Variants in COL28A1 observed in about 807,000 individuals in gnomAD.
COL28A1 encodes collagen alpha-1(XXVIII) chain.
In COL28A1, 161 loss-of-function variants were observed where a neutral mutation model predicts 150.2. The ratio of observed to expected loss-of-function variants is 1.07; its 90% CI spans 0.94 to 1.22. COL28A1 has a LOEUF of 1.22. COL28A1 is among the 50% of genes most tolerant of loss of function. The pLI, the probability that COL28A1 is intolerant of heterozygous loss-of-function variation, is 0.00. For synonymous variants in COL28A1, 552 were observed against 469.7 expected (o/e 1.18, Z -2.26); for missense variants, 1,617 against 1,388.3 (o/e 1.16, Z -2.62).
At chr7:7,508,638 T>C (rs750003114) in intron 9 of COL28A1, among the ~76,000 whole-genome samples, 1 of 152,210 alleles carries the variant, frequency 6.6e-6, no homozygotes, top group Non-Finnish European at 1.5e-5. Context: ...GCTAATTTGA[T>C]AGGTGATATA....
chr7:7,432,534 C>A lies in COL28A1; in HGVS notation c.1937G>T (p.Arg646Leu), dbSNP rs769722152. 2.5e-6 allele frequency: 4 copies of A among 1,613,880 alleles called. No individual in the cohort carries two copies. ...CGGCCCAGGGGGTCCTGGTAATCCA[C>A]GAGGTCCCTGAGATGACACAGTAAG... ...GDGYPGVPGP[R>L]GLPGPPGPMG... The change falls in exon 25 of 35, where the codon CGT (arginine) becomes CTT (leucine). Residue 646 changes from arginine (R) to leucine (L), a missense_variant. Arg to Leu is a moderately radical substitution (Grantham distance 102, BLOSUM62 -2). Transcript: ENST00000399429.
chr7:7,418,038 T>C (rs1784202159), intron 26 of COL28A1, 111 bp from the exon 27 acceptor site: 1 of 784,740 alleles, frequency 1.3e-6, no homozygotes, highest in Admixed American at 2.9e-5. Context: ...GACCAGGACT[T>C]TCATGCTGCC....
chr7:7,439,189 C>T (rs186508606), intron 21 of COL28A1, among the ~76,000 whole-genome samples: 80 of 152,266 alleles, frequency 5.3e-4, no homozygotes, highest in African/African-American at 1.8e-3. Context: ...TGCCCAGGGC[C>T]GTGTTCATCT....
At position 7,373,125 on chromosome 7, in the gene COL28A1, C is replaced by T; in HGVS notation, c.2781G>A (p.Val927=). The change falls in exon 32 of 35, where the codon GTG becomes GTA. Residue 927 remains valine, a synonymous_variant. Coordinates refer to ENST00000399429, the MANE Select transcript of COL28A1 (RefSeq NM_001037763.3). This position sits in a 1 kb window ranked among gnomAD's most constrained non-coding sequence, Gnocchi z 4.1. Reference sequence around the variant, plus strand: ...TCACCACCCCTATCACAAATATCTCCACATTGGTGTCACTGGCATTCTTCA... The same window carrying T: ...TCACCACCCCTATCACAAATATCTCTACATTGGTGTCACTGGCATTCTTCA... ...EVVKNASDTN[V]EIFVIGVVKK... The T allele has an allele frequency of 6.2e-7, 1 of 1,614,182 alleles. No individual in the cohort carries two copies. Among genetic ancestry groups the T allele is most frequent in the South Asian group, 1.1e-5 (1 of 91,082 alleles).
At chr7:7,483,188 G>A (rs770439310) in intron 13 of COL28A1, among the ~76,000 whole-genome samples, 4 of 152,226 alleles carry the variant, frequency 2.6e-5, no homozygotes, top group Middle Eastern at 3.4e-3. Context: ...AATGCATTGC[G>A]TTTGCATCCT....
chr7:7,440,191 C>G (rs535517836), intron 21 of COL28A1, among the ~76,000 whole-genome samples: 68 of 152,274 alleles, frequency 4.5e-4, no homozygotes, highest in Middle Eastern at 3.4e-3. Context: ...GGACATAGAT[C>G]CCCTACTTCC....
At chr7:7,375,094 C>A (rs999356423) in intron 31 of COL28A1, among the ~76,000 whole-genome samples, 2 of 152,180 alleles carry the variant, frequency 1.3e-5, no homozygotes, top group Non-Finnish European at 2.9e-5. Context: ...ACCAGCTAGG[C>A]TGGACTCAAA....
intron 23 of COL28A1, among the ~76,000 whole-genome samples, chr7:7,435,433 G>A (rs1409567137): frequency 7.9e-5 from 12 of 152,092 alleles, no homozygotes; most frequent in African/African-American, 2.2e-4. Context: ...CGAACAATTC[G>A]TCCAAGTTTG....
chr7:7,499,064 G>A (rs185564557), intron 11 of COL28A1, among the ~76,000 whole-genome samples: 1 of 152,198 alleles, frequency 6.6e-6, no homozygotes, highest in African/African-American at 2.4e-5. Context: ...GTTGTCTCAT[G>A]TCAAACGAGT....
chr7:7,426,074 A>G (rs1465767483), intron 25 of COL28A1, among the ~76,000 whole-genome samples: 2 of 152,216 alleles, frequency 1.3e-5, no homozygotes, highest in African/African-American at 4.8e-5. Context: ...TCCAAAAGTG[A>G]TTTCATGCTT....
chr7:7,498,422 G>A (rs899066169), intron 11 of COL28A1, among the ~76,000 whole-genome samples: 29 of 152,132 alleles, frequency 1.9e-4, no homozygotes, highest in African/African-American at 6.0e-4. Flanking sequence ...ATATGACAGC[G>A]TGATAATGTT....
chr7:7,393,930 G>C (rs1468179020), intron 27 of COL28A1, among the ~76,000 whole-genome samples: 1 of 152,004 alleles, frequency 6.6e-6, no homozygotes, highest in Non-Finnish European at 1.5e-5. Flanking sequence ...CTTTCCAGGG[G>C]AGTGAACAGT....
chr7:7,437,558 A>G, intron 21 of COL28A1, 96 bp from the exon 22 acceptor site: 1 of 1,470,336 alleles, frequency 6.8e-7, no homozygotes, highest in Non-Finnish European at 9.0e-7. Context: ...AGATTTTTAA[A>G]TTATGTTATG....
chr7:7,541,522 A>G, the COL28A1 span, among the ~76,000 whole-genome samples: 1 of 152,230 alleles, frequency 6.6e-6, no homozygotes, highest in Non-Finnish European at 1.5e-5. Context: ...AATGCCAAAT[A>G]CTAACACAAT....
rs60871237 is a variant in COL28A1, at chr7:7,532,736, A to ATT, written c.124+14_124+15dup. The ATT allele has an allele frequency of 1.9e-4, 231 of 1,232,816 alleles. No homozygotes were observed. In the African/African-American group the frequency reaches 2.0e-3, roughly 10 times the overall value. The allele number at this position is 1,232,816 out of a possible 1,614,324, so 76.4% of individuals were successfully genotyped here. A position where few individuals can be genotyped will look rare whatever the true frequency, so the allele number is the denominator to read the frequency against. On this transcript the variant is annotated intron_variant, in intron 2 of 34. Coordinates refer to ENST00000399429, the MANE Select transcript of COL28A1 (RefSeq NM_001037763.3). ...AACAGGCTAAACTTAAAAACAAACA[A>ATT]TTTTTTTTTTTTTACCCTGGACATC...
intron 33 of COL28A1, among the ~76,000 whole-genome samples, chr7:7,360,739 G>A (rs1780609513): frequency 6.6e-6 from 1 of 151,986 alleles, no homozygotes; most frequent in Non-Finnish European, 1.5e-5. Flanking sequence ...CCCACCACTT[G>A]GTGTGGGTGT....
intron 24 of COL28A1, 45 bp from the exon 25 acceptor site, chr7:7,432,586 G>C (rs529044767): frequency 6.2e-7 from 1 of 1,609,952 alleles, no homozygotes; most frequent in Non-Finnish European, 8.5e-7. Context: ...CTTGTAGTAT[G>C]CAACACTCAA....
chr7:7,458,970 C>T (rs540561559), intron 15 of COL28A1, among the ~76,000 whole-genome samples: 1 of 152,286 alleles, frequency 6.6e-6, no homozygotes, highest in African/African-American at 2.4e-5. Context: ...ATTTGAGAGG[C>T]CTTATCAGAG....
At chr7:7,541,929 C>T in the COL28A1 span, among the ~76,000 whole-genome samples, 9 of 111,318 alleles carry the variant, frequency 8.1e-5, no homozygotes, top group Admixed American at 1.0e-3. Context: ...AGAGCAATGG[C>T]AAGTTTTACC....
Sources: allele counts gnomAD v4.1 joint callset (sites outside exome capture counted in the v4.1 genomes callset), GRCh38; gene constraint gnomAD v4.1.1; non-coding constraint Gnocchi (gnomAD v3.1); transcripts MANE v1.5; gene names NCBI Gene and HGNC (gene_info 2026-07-23, HGNC 2026-07-21).